Variants in TBC1D32 observed in about 807,000 individuals in gnomAD.
TBC1D32 encodes the protein protein broad-minded.
TBC1D32 carries 151 observed loss-of-function variants against 170.3 expected under a neutral mutation model. The ratio of observed to expected loss-of-function variants is 0.89; its 90% CI spans 0.78 to 1.01. TBC1D32 has a LOEUF of 1.01. Ranked by LOEUF, TBC1D32 falls within the 50% of genes least tolerant of loss-of-function variation. The pLI, the probability that TBC1D32 is intolerant of heterozygous loss-of-function variation, is 0.00. For missense variants in TBC1D32, 1,464 were observed against 1,457.1 expected (o/e 1.00, Z -0.08); for synonymous variants, 498 against 488.0 (o/e 1.02, Z -0.27).
intron 17 of TBC1D32, among the ~76,000 whole-genome samples, chr6:121,246,212 C>T (rs1448281218): frequency 6.6e-6 from 1 of 152,070 alleles, no homozygotes; most frequent in Non-Finnish European, 1.5e-5. Context: ...GTGAACTTGC[C>T]CACACACCAA....
At chr6:121,103,439 A>G (rs1269622175) in intron 30 of TBC1D32, among the ~76,000 whole-genome samples, 2 of 151,968 alleles carry the variant, frequency 1.3e-5, no homozygotes, top group East Asian at 1.9e-4. Context: ...TTGTAGGGAC[A>G]TGGATGAAGC....
rs371592491 is a variant in TBC1D32 at position 121,126,373 on chromosome 6, T to C, written c.2983+5A>G. The C allele has an allele frequency of 5.6e-6, 9 of 1,601,264 alleles. No individual in the cohort carries two copies. The highest frequency in any genetic ancestry group is 7.7e-6 in the Non-Finnish European group (9 of 1,173,958). On this transcript the variant is annotated splice_donor_5th_base_variant and intron_variant, in intron 26 of 31. Coordinates refer to ENST00000398212, the MANE Select transcript of TBC1D32 (RefSeq NM_152730.6). ...TTTTCAAACTTCACAATGTTTAAAA[T>C]GTACCTGTATACTCCACTGAAGGGA...
chr6:121,124,475 T>C (rs1240588735), intron 26 of TBC1D32, among the ~76,000 whole-genome samples: 1 of 152,120 alleles, frequency 6.6e-6, no homozygotes, highest in Non-Finnish European at 1.5e-5. Flanking sequence ...TCTTTGACTT[T>C]TGAGAGTTTG....
At chr6:121,154,039 CAAA>C (rs71018115) in intron 24 of TBC1D32, among the ~76,000 whole-genome samples, 1 of 129,718 alleles carries the variant, frequency 7.7e-6, no homozygotes, top group Middle Eastern at 3.7e-3. Context: ...CACTAGGGTA[CAAA>C]AAAAAAAAAA....
intron 30 of TBC1D32, among the ~76,000 whole-genome samples, chr6:121,096,595 C>A (rs1777441894): frequency 6.6e-6 from 1 of 152,200 alleles, no homozygotes; most frequent in South Asian, 2.1e-4. Context: ...TAGGAAGAAT[C>A]AATATCATGA....
chr6:121,084,732 A>G (rs1418455682), intron 31 of TBC1D32, among the ~76,000 whole-genome samples: 6 of 152,234 alleles, frequency 3.9e-5, no homozygotes, highest in African/African-American at 1.4e-4. Context: ...AAGCCATGTG[A>G]GCTTAAAATC....
At chr6:121,119,573 T>C (rs1490297261) in intron 26 of TBC1D32, among the ~76,000 whole-genome samples, 1 of 152,088 alleles carries the variant, frequency 6.6e-6, no homozygotes, top group Non-Finnish European at 1.5e-5. Context: ...GAAAGGGCCA[T>C]TTAATTTATC....
rs1424421407 is a variant in TBC1D32 at position 121,295,050 on chromosome 6, G to A, written c.1141-390C>T. On this transcript the variant is annotated intron_variant, in intron 10 of 31. Transcript: ENST00000398212. ...TACCCAGCTAGCAAAATATCAAGTG[G>A]ATCAAGTCTTTATTTCCATCTCAAA... Among the ~76,000 whole-genome samples, 9 of 151,984 alleles carry A rather than the reference G, an allele frequency of 5.9e-5. No individual in the cohort carries two copies. In the South Asian group the frequency reaches 1.7e-3, roughly 28 times the overall value.
At chr6:121,315,726 A>G (rs951597220) in intron 3 of TBC1D32, among the ~76,000 whole-genome samples, 1 of 152,064 alleles carries the variant, frequency 6.6e-6, no homozygotes, top group Admixed American at 6.6e-5. Context: ...GGAATGAATA[A>G]TATATTTTTA....
chr6:121,287,050 G>A (rs923923391), intron 12 of TBC1D32, among the ~76,000 whole-genome samples: 1 of 152,098 alleles, frequency 6.6e-6, no homozygotes, highest in African/African-American at 2.4e-5. Context: ...GCAAAAACAT[G>A]CCAAATTGTA....
chr6:121,212,650 C>T (rs1362771745), intron 21 of TBC1D32, among the ~76,000 whole-genome samples: 1 of 151,982 alleles, frequency 6.6e-6, no homozygotes, highest in East Asian at 1.9e-4. Context: ...GACAGGGTTT[C>T]ACCACGTTGG....
chr6:121,153,371 G>A (rs1246361622), intron 24 of TBC1D32, among the ~76,000 whole-genome samples: 2 of 152,084 alleles, frequency 1.3e-5, no homozygotes, highest in Non-Finnish European at 2.9e-5. Flanking sequence ...TGGAATCTTC[G>A]TCCCAGAGGG....
chr6:121,209,573 T>C (rs1792787595), intron 21 of TBC1D32, among the ~76,000 whole-genome samples: 1 of 152,170 alleles, frequency 6.6e-6, no homozygotes, highest in South Asian at 2.1e-4. Flanking sequence ...TGGTATTATG[T>C]GGTATTTGTC....
chr6:121,135,785 A>G (rs1781988397), intron 24 of TBC1D32, among the ~76,000 whole-genome samples: 1 of 152,188 alleles, frequency 6.6e-6, no homozygotes, highest in African/African-American at 2.4e-5. Flanking sequence ...AACAGAATGG[A>G]GAGTACTAGT....
chr6:121,226,728 T>C (rs768238999), intron 20 of TBC1D32, among the ~76,000 whole-genome samples: 89 of 152,138 alleles, frequency 5.8e-4, no homozygotes, highest in Admixed American at 1.3e-4. Flanking sequence ...ACTATGTGTA[T>C]AAAGTATTCT....
At chr6:121,090,735 A>G in intron 31 of TBC1D32, 118 bp downstream of exon 31, 1 of 872,770 alleles carries the variant, frequency 1.1e-6, no homozygotes, top group Non-Finnish European at 1.8e-6. Context: ...TGATAATAGT[A>G]TCTACCTCTC....
intron 17 of TBC1D32, among the ~76,000 whole-genome samples, chr6:121,254,611 A>G (rs1189203152): frequency 4.8e-5 from 2 of 41,612 alleles, no homozygotes; most frequent in African/African-American, 1.3e-4. Context: ...GGAAATGCAG[A>G]AGGCTTTTTG....
In TBC1D32 at chr6:121,281,689, A is replaced by G; in HGVS notation, c.1466-3T>C. 1 of 1,568,682 alleles carries G rather than the reference A, an allele frequency of 6.4e-7. No individual in the cohort carries two copies. The highest frequency in any genetic ancestry group is 8.6e-7 in the Non-Finnish European group (1 of 1,157,964). ...CATACTTGCAGGAGAGTAATTCTCTAATAAACAATAAATATTTTTTAATAC... is the reference window on the plus strand; with the variant it reads ...CATACTTGCAGGAGAGTAATTCTCTGATAAACAATAAATATTTTTTAATAC... On this transcript the variant is annotated splice_polypyrimidine_tract_variant and splice_region_variant and intron_variant, in intron 13 of 31. Coordinates refer to ENST00000398212, the MANE Select transcript of TBC1D32 (RefSeq NM_152730.6).
intron 17 of TBC1D32, 143 bp downstream of exon 17, chr6:121,255,184 TC>T: frequency 2.7e-6 from 1 of 365,100 alleles, no homozygotes; most frequent in Middle Eastern, 9.1e-4. Context: ...CTAAAGTTTT[TC>T]CAAACTAATT....
Sources: allele counts gnomAD v4.1 joint callset (sites outside exome capture counted in the v4.1 genomes callset), GRCh38; gene constraint gnomAD v4.1.1; transcripts MANE v1.5; gene names NCBI Gene and HGNC (gene_info 2026-07-23, HGNC 2026-07-21).